CLSTN3: variants seen among roughly 807,000 people sequenced by gnomAD.
CLSTN3 encodes the protein calsyntenin 3, also known as calsyntenin-3.
In CLSTN3, 36 loss-of-function variants were observed where a neutral mutation model predicts 95.9. The observed-to-expected ratio is 0.38, with a 90% confidence interval of 0.29 to 0.50. The LOEUF is 0.50. Among genes scored for constraint, CLSTN3 ranks in the 20% least tolerant of loss-of-function variants. The pLI, the probability that CLSTN3 is intolerant of heterozygous loss-of-function variation, is 0.95. For synonymous variants in CLSTN3, 481 were observed against 504.0 expected, an observed-to-expected ratio of 0.95 and a Z score of 0.61; for missense variants, 1,084 against 1,268.8, an observed-to-expected ratio of 0.85 and a Z score of 2.21.
chr12:7,139,022 C>T (rs1190231190), intron 8 of CLSTN3, among the ~76,000 whole-genome samples: 1 of 152,106 alleles, frequency 6.6e-6, no homozygotes, highest in Non-Finnish European at 1.5e-5. Flanking sequence ...GTTACCCTTG[C>T]TATCTTTCTT....
In CLSTN3 at chr12:7,149,525, A is replaced by G; in HGVS notation, c.2077A>G (p.Thr693Ala). 6.2e-7 allele frequency: 1 copy of G among 1,610,860 alleles called. No homozygotes were observed. The highest frequency in any genetic ancestry group is 8.5e-7 in the Non-Finnish European group (1 of 1,177,994). Residue 693 changes from threonine (T) to alanine (A), a missense_variant and splice_region_variant, in exon 14 of 18, where the codon ACA (threonine) becomes GCA (alanine). Transcript: ENST00000266546. This position sits in a 1 kb window ranked among gnomAD's most constrained non-coding sequence, Gnocchi z 4.5. ...AGACCCTACTATCCCCAACCCAGTG[A>G]CAGACACACGCATGTCGGATGAGAT... Reference protein sequence around the residue: ...KKDESWQGTVTDTRMSDEIVH... With the variant: ...KKDESWQGTVADTRMSDEIVH...
In CLSTN3 at chr12:7,142,077, T is replaced by TTTTTTTCTTTTTTTA; in HGVS notation, c.1487-9_1487-8insTTTTTTCTTTTTTTA. ...ACCAGCACTGTTTTTTTTTTTTTTT[T>TTTTTTTCTTTTTTTA]ATCCCCAGAGGAGAAGAACAAAGAG... is the stretch of plus-strand genomic sequence containing the variant. On this transcript the variant is annotated splice_polypyrimidine_tract_variant and intron_variant, in intron 9 of 17. Transcript: ENST00000266546. The TTTTTTTCTTTTTTTA allele has an allele frequency of 6.6e-7, 1 of 1,519,726 alleles. No homozygotes were observed. The highest frequency in any genetic ancestry group is 8.9e-7 in the Non-Finnish European group (1 of 1,127,784). The allele number at this position is 1,519,726 out of a possible 1,614,324, so 94.1% of individuals were successfully genotyped here.
chr12:7,130,668 C>T lies in CLSTN3; in HGVS notation c.20C>T (p.Pro7Leu), dbSNP rs1296059482. The T allele has an allele frequency of 3.8e-6, 6 of 1,573,604 alleles. No individual in the cohort carries two copies. Among genetic ancestry groups the T allele is most frequent in the Non-Finnish European group, 5.2e-6 (6 of 1,158,566 alleles). Residue 7 changes from proline (P) to leucine (L), a missense_variant, in exon 1 of 18, where the codon CCC (proline) becomes CTC (leucine). Physicochemically the swap from Pro to Leu is moderately conservative, Grantham distance 98. Transcript: ENST00000266546. ...CGCACCATGACCCTCCTGCTGCTGC[C>T]CCTTCTGCTGGCCTCTCTGCTCGCG... MTLLLLPLLLASLLASC... is the reference protein window; with the variant it reads MTLLLLLLLLASLLASC...
intron 12 of CLSTN3, among the ~76,000 whole-genome samples, chr12:7,144,254 A>AT (rs1939585206): frequency 6.6e-6 from 1 of 151,634 alleles, no homozygotes; most frequent in Admixed American, 6.6e-5. Context: ...AAAAAAAAAA[A>AT]AGTTTACTGA....
chr12:7,147,780 G>A lies in CLSTN3; in HGVS notation c.1848-1192G>A, dbSNP rs1434338699. 2.6e-5 allele frequency among the ~76,000 whole-genome samples: 4 copies of A among 152,060 alleles called. No individual in the cohort carries two copies. The East Asian group carries it at 5.8e-4, about 22-fold the overall frequency. ...TCCTCCCGCCTCAGCCTCCCAAAGT[G>A]CCAGGATTTACAGGCATGAGCCATC... On this transcript the variant is annotated intron_variant, in intron 12 of 17. Coordinates refer to ENST00000266546, the MANE Select transcript of CLSTN3 (RefSeq NM_014718.4).
chr12:7,137,276 G>T lies in CLSTN3; in HGVS notation c.1210+166G>T. ...TGATTCTGTGCTTTATCCCCAACAT[G>T]ACATGTTGGATCGTACTGCTGTCAG... On this transcript the variant is annotated intron_variant, in intron 7 of 17. Coordinates refer to ENST00000266546, the MANE Select transcript of CLSTN3 (RefSeq NM_014718.4). The surrounding 1 kb of genome is among the most constrained non-coding windows in gnomAD (Gnocchi z 4.4). 1 of 664,102 alleles carries T rather than the reference G, an allele frequency of 1.5e-6. No homozygotes were observed. Among genetic ancestry groups the T allele is most frequent in the Non-Finnish European group, 2.5e-6 (1 of 395,220 alleles). 41.1% of individuals were successfully genotyped at this position (664,102 alleles called of 1,614,324 possible).
In CLSTN3 at chr12:7,137,035, T is replaced by G. The variant is rs1939439642; in HGVS notation, c.1135T>G (p.Trp379Gly). The change falls in exon 7 of 18, where the codon TGG becomes GGG. Residue 379 changes from tryptophan to glycine, a missense_variant. Transcript: ENST00000266546. The surrounding 1 kb of genome is among the most constrained non-coding windows in gnomAD (Gnocchi z 4.4). ...SLSDHFTLSF[W>G]MKHGVTPNKG... ...CAGTGACCACTTCACCCTGTCCTTC[T>G]GGATGAAGCATGGCGTAACTCCCAA... 6.2e-7 allele frequency: 1 copy of G among 1,614,062 alleles called. No homozygotes were observed. Among genetic ancestry groups the G allele is most frequent in the African/African-American group, 1.3e-5 (1 of 74,934 alleles).
rs958294405 is a variant in CLSTN3 at position 7,150,411 on chromosome 12, C to T, written c.2246-133C>T. On this transcript the variant is annotated intron_variant, in intron 14 of 17. Transcript: ENST00000266546. This position sits in a 1 kb window ranked among gnomAD's most constrained non-coding sequence, Gnocchi z 4.0. ...AGCATCCCTCCCTTCGACCTCAGGT[C>T]GCACTTCTGCGGAGATGGGGCTGAC... 10 of 1,020,000 alleles carry T rather than the reference C, an allele frequency of 9.8e-6. No individual in the cohort carries two copies. The Admixed American group carries it at 1.4e-4, about 14-fold the overall frequency. The allele number at this position is 1,020,000 out of a possible 1,614,324, so 63.2% of individuals were successfully genotyped here.
At chr12:7,130,303 T>TGCCCCCCCCCCCC, upstream of CLSTN3, 1 of 778,326 alleles carries the variant, frequency 1.3e-6, no homozygotes, top group Non-Finnish European at 1.6e-6. Flanking sequence ...CAGCACCTGG[T>TGCCCCCCCCCCCC]CCCCCCCCCT....
chr12:7,139,163 G>A (rs1939483751), intron 8 of CLSTN3, among the ~76,000 whole-genome samples: 1 of 152,210 alleles, frequency 6.6e-6, no homozygotes, highest in Non-Finnish European at 1.5e-5. Flanking sequence ...CAGTTGGGGA[G>A]ATAAAGTTTT....
intron 4 of CLSTN3, 125 bp from the exon 5 acceptor site, chr12:7,135,679 A>C: frequency 7.3e-7 from 1 of 1,364,968 alleles, no homozygotes; most frequent in East Asian, 2.3e-5. Flanking sequence ...CTCCTCCCAG[A>C]TGCCTTTTTT....
chr12:7,148,230 T>G (rs777419421), intron 12 of CLSTN3, among the ~76,000 whole-genome samples: 116 of 151,204 alleles, frequency 7.7e-4, no homozygotes, highest in South Asian at 3.3e-3. Context: ...GGAAAATGCT[T>G]CATAAACTGG....
Position 7,157,459 on chromosome 12 carries a change from G to T in CLSTN3, c.2528-30G>T, listed in dbSNP as rs368811776. The T allele has an allele frequency of 1.3e-6, 2 of 1,526,992 alleles. No homozygotes were observed. Among genetic ancestry groups the T allele is most frequent in the Admixed American group, 4.1e-5 (2 of 48,402 alleles). 94.6% of individuals were successfully genotyped at this position (1,526,992 alleles called of 1,614,324 possible). A position where few individuals can be genotyped will look rare whatever the true frequency, so the allele number is the denominator to read the frequency against. ...AGTGCCCCCAGGTGTGCCTAGTCAC[G>T]CTCTGCTCACCCCCGCGCTCTCTCT... On this transcript the variant is annotated intron_variant, in intron 16 of 17. Coordinates refer to ENST00000266546, the MANE Select transcript of CLSTN3 (RefSeq NM_014718.4). The surrounding 1 kb of genome is among the most constrained non-coding windows in gnomAD (Gnocchi z 5.9).
Position 7,137,901 on chromosome 12 carries a change from C to T in CLSTN3, c.1211-54C>T. 1 of 1,314,030 alleles carries T rather than the reference C, an allele frequency of 7.6e-7. No individual in the cohort carries two copies. The highest frequency in any genetic ancestry group is 1.1e-6 in the Non-Finnish European group (1 of 917,722). The allele number at this position is 1,314,030 out of a possible 1,614,324, so 81.4% of individuals were successfully genotyped here. ...ATCCTCTCCTTCCTGCTGCTTTGAA[C>T]TTGTTCTGGCCTCAGCCTCTGCACT... is the stretch of plus-strand genomic sequence containing the variant. On this transcript the variant is annotated intron_variant, in intron 7 of 17. Coordinates refer to ENST00000266546, the MANE Select transcript of CLSTN3 (RefSeq NM_014718.4). This position sits in a 1 kb window ranked among gnomAD's most constrained non-coding sequence, Gnocchi z 4.4.
chr12:7,130,031 T>C (rs1011768111), upstream of CLSTN3: 17 of 57,082 alleles, frequency 3.0e-4, no homozygotes, highest in South Asian at 2.3e-3. Context: ...TGGAAACAGG[T>C]TATGGCAGAG....
intron 16 of CLSTN3, among the ~76,000 whole-genome samples, chr12:7,155,332 G>A (rs1322666690): frequency 1.3e-5 from 2 of 152,234 alleles, no homozygotes; most frequent in Non-Finnish European, 2.9e-5. Flanking sequence ...TAGATAGAGT[G>A]TCTGCATTTT....
At chr12:7,129,704 C>T (rs1400058166), upstream of CLSTN3, 7 of 985,456 alleles carry the variant, frequency 7.1e-6, no homozygotes, top group East Asian at 2.3e-4. The surrounding 1 kb of genome is among the most constrained non-coding windows in gnomAD (Gnocchi z 5.5). Context: ...GCCCAATTCT[C>T]TCTCGAACCT....
intron 16 of CLSTN3, chr12:7,156,430 C>T (rs1166815263): frequency 2.2e-6 from 1 of 456,768 alleles, no homozygotes; most frequent in East Asian, 6.9e-5. Context: ...TCTATGTCTT[C>T]CTTCAGGGGG....
rs1939695396 is a variant in CLSTN3 at position 7,149,938 on chromosome 12, C to T, written c.2245+245C>T. On this transcript the variant is annotated intron_variant, in intron 14 of 17. Coordinates refer to ENST00000266546, the MANE Select transcript of CLSTN3 (RefSeq NM_014718.4). The surrounding 1 kb of genome is among the most constrained non-coding windows in gnomAD (Gnocchi z 4.5). ...CCTGGCTCACCTCCACTTCTGGTCC[C>T]ACTCCTGTTTCCATTCAGGCTTCTC... Among the ~76,000 whole-genome samples, 1 of 152,186 alleles carries T rather than the reference C, an allele frequency of 6.6e-6. No homozygotes were observed. The highest frequency in any genetic ancestry group is 2.4e-5 in the African/African-American group (1 of 41,440).
Sources: gnomAD v4.1 joint callset for allele counts (sites outside exome capture counted in the v4.1 genomes callset) on GRCh38, gnomAD v4.1.1 for gene constraint, Gnocchi (gnomAD v3.1) non-coding constraint, MANE v1.5 for transcripts, NCBI Gene and HGNC (gene_info 2026-07-23, HGNC 2026-07-21) for gene names.